PIEZO1: variants seen among roughly 807,000 people sequenced by gnomAD.
PIEZO1 encodes the protein piezo type mechanosensitive ion channel component 1 (Er blood group).
Under a neutral mutation model 297.2 loss-of-function variants are expected in PIEZO1, and 296 were observed. That is an observed-to-expected ratio of 1.00 (90% CI 0.91 to 1.10). PIEZO1 has a LOEUF of 1.10. Ranked by LOEUF, PIEZO1 falls within the 50% of genes least tolerant of loss-of-function variation. PIEZO1 has a pLI of 0.00. For missense variants in PIEZO1, 5,018 were observed against 3,455.5 expected, an observed-to-expected ratio of 1.45 and a Z score of -11.34; for synonymous variants, 2,427 against 1,507.5, an observed-to-expected ratio of 1.61 and a Z score of -14.13.
Position 88,721,821 on chromosome 16 carries a change from A to G in PIEZO1, c.5201T>C (p.Ile1734Thr). The stretch of plus-strand genomic sequence containing the variant: ...GCCTCGGCCCACCTCGGTGAAGACG[A>G]TGGCCGTCATCCAGAAGCGCTTGCT... ...RPSKRFWMTAIVFTEIAVVVK... is the reference protein window; with the variant it reads ...RPSKRFWMTATVFTEIAVVVK... The change falls in exon 37 of 51, where the codon ATC becomes ACC. Residue 1734 changes from isoleucine (I) to threonine (T), a missense_variant. Ile to Thr is a moderately conservative substitution (Grantham distance 89). Coordinates refer to ENST00000301015, the MANE Select transcript of PIEZO1 (RefSeq NM_001142864.4). The G allele has an allele frequency of 1.9e-6, 3 of 1,546,766 alleles. No individual in the cohort carries two copies. Among genetic ancestry groups the G allele is most frequent in the Non-Finnish European group, 2.6e-6 (3 of 1,146,140 alleles).
intron 1 of PIEZO1, among the ~76,000 whole-genome samples, chr16:88,762,442 G>C (rs1006717290): frequency 6.6e-6 from 1 of 152,174 alleles, no homozygotes; most frequent in Admixed American, 6.5e-5. Context: ...CTGCCCTCCT[G>C]GATTCCTGCT....
chr16:88,770,658 G>A (rs991632518), intron 1 of PIEZO1, among the ~76,000 whole-genome samples: 14 of 152,304 alleles, frequency 9.2e-5, no homozygotes, highest in Non-Finnish European at 1.6e-4. Flanking sequence ...TGCCGAGCAC[G>A]TCCACCACCT....
chr16:88,733,097 C>T, intron 19 of PIEZO1, 181 bp downstream of exon 19: 1 of 627,012 alleles, frequency 1.6e-6, no homozygotes, highest in Non-Finnish European at 2.8e-6. Context: ...GAGTGCGCCC[C>T]TGGTCCACAG....
chr16:88,724,916 G>C, intron 30 of PIEZO1, 93 bp downstream of exon 30: 1 of 799,362 alleles, frequency 1.3e-6, no homozygotes, highest in Non-Finnish European at 1.9e-6. Flanking sequence ...TGGGAGTCGG[G>C]GGAAGGGAGG....
chr16:88,731,924 AG>A lies in PIEZO1; in HGVS notation c.2992-15del. 10 of 513,036 alleles carry A rather than the reference AG, an allele frequency of 1.9e-5. No individual in the cohort carries two copies. The highest frequency in any genetic ancestry group is 2.6e-5 in the Non-Finnish European group (10 of 378,206). The allele number at this position is 513,036 out of a possible 1,614,324, so 31.8% of individuals were successfully genotyped here. A position where few individuals can be genotyped will look rare whatever the true frequency, so the allele number is the denominator to read the frequency against. On this transcript the variant is annotated splice_polypyrimidine_tract_variant and intron_variant, in intron 21 of 50. Transcript: ENST00000301015. ...CAGGAAGCAGATCTGGGGAGGGGAG[AG>A]GGCGGGGTGTGGGGATGCACTGAGT...
Position 88,715,560 on chromosome 16 carries a change from G to C in PIEZO1, c.*45C>G. 1 of 1,529,818 alleles carries C rather than the reference G, an allele frequency of 6.5e-7. No homozygotes were observed. Among genetic ancestry groups the C allele is most frequent in the Admixed American group, 2.0e-5 (1 of 50,866 alleles). 94.8% of individuals were successfully genotyped at this position (1,529,818 alleles called of 1,614,324 possible). On this transcript the variant is annotated 3_prime_UTR_variant, in exon 51 of 51. Coordinates refer to ENST00000301015, the MANE Select transcript of PIEZO1 (RefSeq NM_001142864.4). ...GAGTGCCGCCCCTTGTGGCCACGCT[G>C]CCCAGCAGGCCGGCTCCTTCCCTCT...
At chr16:88,743,418 C>G (rs1480429943) in intron 2 of PIEZO1, 2 of 439,918 alleles carry the variant, frequency 4.5e-6, no homozygotes, top group South Asian at 3.2e-5. Flanking sequence ...CCTGCACCAC[C>G]AGCCACGCCC....
chr16:88,726,006 G>A (rs1904397125), intron 27 of PIEZO1: 2 of 568,616 alleles, frequency 3.5e-6, no homozygotes, highest in Non-Finnish European at 6.2e-6. Context: ...TCCCGCTGGT[G>A]GAGAAACTTA....
Position 88,732,683 on chromosome 16 carries a change from A to G in PIEZO1, c.2714T>C (p.Leu905Pro), listed in dbSNP as rs1171453082. 3 of 1,549,384 alleles carry G rather than the reference A, an allele frequency of 1.9e-6. No individual in the cohort carries two copies. Among genetic ancestry groups the G allele is most frequent in the Non-Finnish European group, 2.6e-6 (3 of 1,146,412 alleles). Residue 905 changes from leucine to proline, a missense_variant, in exon 20 of 51, where the codon CTG becomes CCG. Coordinates refer to ENST00000301015, the MANE Select transcript of PIEZO1 (RefSeq NM_001142864.4). ...AGGGTCCACGGGCCCCCGGTACAGC[A>G]GGGACTGGCTGATCTCCGTGGGCAG... Reference protein sequence around the residue: ...NLLPTEISQSLLYRGPVDPAN... With the variant: ...NLLPTEISQSPLYRGPVDPAN...
At chr16:88,723,716 G>A (rs985025790) in intron 31 of PIEZO1, among the ~76,000 whole-genome samples, 155 bp downstream of exon 31, 4 of 152,244 alleles carry the variant, frequency 2.6e-5, no homozygotes, top group African/African-American at 9.6e-5. Flanking sequence ...TTTCCCATGG[G>A]ACTTGGGAGG....
In PIEZO1 at chr16:88,720,486, G is replaced by A. The variant is rs1364234897; in HGVS notation, c.5848C>T (p.Leu1950=). 2 of 1,550,410 alleles carry A rather than the reference G, an allele frequency of 1.3e-6. No individual in the cohort carries two copies. The highest frequency in any genetic ancestry group is 1.7e-4 in the Middle Eastern group (1 of 5,992). Residue 1950 remains leucine, a synonymous_variant, in exon 41 of 51, where the codon CTG becomes TTG. Coordinates refer to ENST00000301015, the MANE Select transcript of PIEZO1 (RefSeq NM_001142864.4). The part of the protein sequence containing the change: ...RPLRRFFHDI[L]HTKYRAATDV... ...GTGGCTGCGCGGTACTTGGTGTGCAGGATGTCGTGGAAGAAGCGCCGTAGC... is the reference window on the plus strand; with the variant it reads ...GTGGCTGCGCGGTACTTGGTGTGCAAGATGTCGTGGAAGAAGCGCCGTAGC...
chr16:88,734,909 A>AT lies in PIEZO1; in HGVS notation c.1813dup (p.Met605AsnfsTer172). 11 of 1,550,388 alleles carry AT rather than the reference A, an allele frequency of 7.1e-6. No homozygotes were observed. The highest frequency in any genetic ancestry group is 9.6e-6 in the Non-Finnish European group (11 of 1,146,954). ...GGTGAGGCAGAGCAGGAAGAGGAACATGTAGACAATCTTGTAGACCACGAG... is the reference window on the plus strand; with the variant it reads ...GGTGAGGCAGAGCAGGAAGAGGAACATTGTAGACAATCTTGTAGACCACGAG... On this transcript the variant is annotated frameshift_variant, in exon 14 of 51. Coordinates refer to ENST00000301015, the MANE Select transcript of PIEZO1 (RefSeq NM_001142864.4). LOFTEE classifies it high-confidence loss of function.
intron 2 of PIEZO1, among the ~76,000 whole-genome samples, chr16:88,749,154 G>A (rs1421066519): frequency 2.0e-5 from 3 of 150,668 alleles, no homozygotes; most frequent in Non-Finnish European, 3.0e-5. Context: ...GCAGGAGAAT[G>A]GCGTGAACCT....
intron 2 of PIEZO1, among the ~76,000 whole-genome samples, chr16:88,744,824 C>G (rs1362472540): frequency 2.0e-5 from 3 of 151,982 alleles, no homozygotes; most frequent in Admixed American, 6.6e-5. Context: ...TGGGCTGGAT[C>G]AGACTAGGGA....
chr16:88,725,165 G>A (rs940345159), intron 29 of PIEZO1, 85 bp from the exon 30 acceptor site: 1 of 955,786 alleles, frequency 1.0e-6, no homozygotes, highest in East Asian at 2.9e-5. Context: ...TTGGAGACAG[G>A]ATAGGTGGAG....
chr16:88,715,367 T>C lies in PIEZO1; in HGVS notation c.*238A>G. On this transcript the variant is annotated 3_prime_UTR_variant, in exon 51 of 51. Transcript: ENST00000301015. ...ATTGTCCATTTGTATAAATAAAACATTTTTTAATTAAAAAAAAAACTCTAC... is the reference window on the plus strand; with the variant it reads ...ATTGTCCATTTGTATAAATAAAACACTTTTTAATTAAAAAAAAAACTCTAC... 1.7e-6 allele frequency: 2 copies of C among 1,206,566 alleles called. No individual in the cohort carries two copies. Among genetic ancestry groups the C allele is most frequent in the Non-Finnish European group, 2.3e-6 (2 of 878,298 alleles). The allele number at this position is 1,206,566 out of a possible 1,614,324, so 74.7% of individuals were successfully genotyped here. A position where few individuals can be genotyped will look rare whatever the true frequency, so the allele number is the denominator to read the frequency against.
In PIEZO1 at chr16:88,743,270, C is replaced by G; in HGVS notation, c.161-848G>C. On this transcript the variant is annotated intron_variant, in intron 2 of 50. Coordinates refer to ENST00000301015, the MANE Select transcript of PIEZO1 (RefSeq NM_001142864.4). Reference sequence around the variant, plus strand: ...CTGCTCTCGGCGCACATGTGGACAGCTCACCCTTCAGCAGGGGTCCGGACC... The same window carrying G: ...CTGCTCTCGGCGCACATGTGGACAGGTCACCCTTCAGCAGGGGTCCGGACC... The G allele has an allele frequency of 4.4e-6, 2 of 456,488 alleles. 1 individual carries two copies. The highest frequency in any genetic ancestry group is 3.1e-5 in the South Asian group (2 of 64,542). The allele number at this position is 456,488 out of a possible 1,614,324, so 28.3% of individuals were successfully genotyped here.
intron 2 of PIEZO1, among the ~76,000 whole-genome samples, chr16:88,748,916 G>C (rs1448011280): frequency 2.4e-5 from 3 of 126,284 alleles, no homozygotes; most frequent in African/African-American, 9.0e-5. Flanking sequence ...CTGGGAGATA[G>C]AGCGAGACTC....
chr16:88,738,427 G>A lies in PIEZO1; in HGVS notation c.648C>T (p.Pro216=), dbSNP rs765091878. 2.6e-6 allele frequency: 4 copies of A among 1,535,660 alleles called. No individual in the cohort carries two copies. Among genetic ancestry groups the A allele is most frequent in the African/African-American group, 1.4e-5 (1 of 73,052 alleles). The change falls in exon 7 of 51, where the codon CCC becomes CCT. Residue 216 remains proline (P), a synonymous_variant. Transcript: ENST00000301015. The part of the protein sequence containing the change: ...TLLALAGIAH[P]SALSSVYLLL... ...GCAGGTAGACACTGGAGAGGGCCGA[G>A]GGGTGGGCGATGCCTGCGGGGCAGG...
Sources: allele counts gnomAD v4.1 joint callset (sites outside exome capture counted in the v4.1 genomes callset), GRCh38; gene constraint gnomAD v4.1.1; transcripts MANE v1.5; gene names NCBI Gene and HGNC (gene_info 2026-07-23, HGNC 2026-07-21).